The following FLAD1 variants were observed in gnomAD, a reference collection of about 807,000 sequenced individuals.
The protein encoded by FLAD1 is flavin adenine dinucleotide synthetase 1.
Under a neutral mutation model 55.0 loss-of-function variants are expected in FLAD1, and 35 were observed. That is an observed-to-expected ratio of 0.64 (90% CI 0.49 to 0.84). The LOEUF (loss-of-function observed/expected upper bound fraction) is 0.84. Among genes scored for constraint, FLAD1 ranks in the 40% least tolerant of loss-of-function variants. FLAD1 has a pLI of 0.00. For synonymous variants in FLAD1, 267 were observed against 303.0 expected (o/e 0.88, Z 1.23); for missense variants, 665 against 742.6 (o/e 0.90, Z 1.21).
At chr1:154,989,813 G>A (rs541501421) in intron 3 of FLAD1, 106 bp downstream of exon 3, 1 of 1,259,772 alleles carries the variant, frequency 7.9e-7, no homozygotes, top group Admixed American at 2.4e-5. Flanking sequence ...GAGGGAGATA[G>A]TCATGGTGAC....
chr1:154,988,920 G>A, intron 2 of FLAD1, 71 bp downstream of exon 2: 2 of 1,593,058 alleles, frequency 1.3e-6, no homozygotes, highest in Non-Finnish European at 1.7e-6. Flanking sequence ...AGTAATGCAG[G>A]GGCTGTTGGG....
chr1:154,991,199 T>A (rs1391609343), intron 5 of FLAD1: 1 of 89,466 alleles, frequency 1.1e-5, no homozygotes, highest in East Asian at 3.5e-4. Context: ...AGAACAAGAC[T>A]CTGTCTCAAA....
rs368689507 is a variant in FLAD1 at position 154,984,002 on chromosome 1, C to T, written c.308C>T (p.Ser103Phe). ...GGCAGGACCATGACATCTAGGGCCT[C>T]TGAACTTTCTCCGGGGCGCAGCGTG... ...REGRTMTSRA[S>F]ELSPGRSVTA... The change falls in exon 1 of 7, where the codon TCT (serine) becomes TTT (phenylalanine). Residue 103 changes from serine (S) to phenylalanine (F), a missense_variant. Physicochemically the swap from Ser to Phe is radical, Grantham distance 155. Transcript: ENST00000292180. The T allele has an allele frequency of 2.0e-6, 3 of 1,519,676 alleles. No homozygotes were observed. The highest frequency in any genetic ancestry group is 4.5e-5 in the Admixed American group (2 of 44,346). The allele number at this position is 1,519,676 out of a possible 1,614,324, so 94.1% of individuals were successfully genotyped here.
In FLAD1 at chr1:154,990,167, C is replaced by G. The variant is rs755733167; in HGVS notation, c.1274C>G (p.Pro425Arg). The G allele has an allele frequency of 8.1e-6, 13 of 1,613,702 alleles. No individual in the cohort carries two copies. The highest frequency in any genetic ancestry group is 1.0e-5 in the Non-Finnish European group (12 of 1,179,646). ...TTCTTCCCCCTCTGCAGGAAATTACCTGATGTTCCAAACCCCCTCCAGATC... is the reference window on the plus strand; with the variant it reads ...TTCTTCCCCCTCTGCAGGAAATTACGTGATGTTCCAAACCCCCTCCAGATC... ...LFHAAVQRKLPDVPNPLQILY... is the reference protein window; with the variant it reads ...LFHAAVQRKLRDVPNPLQILY... Residue 425 changes from proline to arginine, a missense_variant, in exon 4 of 7, where the codon CCT (proline) becomes CGT (arginine). Transcript: ENST00000292180.
In FLAD1 at chr1:154,993,090, A is replaced by G; in HGVS notation, c.*53A>G. 2 of 1,552,534 alleles carry G rather than the reference A, an allele frequency of 1.3e-6. No individual in the cohort carries two copies. The highest frequency in any genetic ancestry group is 1.4e-5 in the African/African-American group (1 of 73,668). On this transcript the variant is annotated 3_prime_UTR_variant, in exon 7 of 7. Coordinates refer to ENST00000292180, the MANE Select transcript of FLAD1 (RefSeq NM_025207.5). ...CACCGTCCTAGGGTATAACCTGGCA[A>G]TAAACCGTGCCTCTCACTGTGCCTG...
chr1:154,985,716 ATTTTTTTTTTT>A (rs34387427), intron 1 of FLAD1, among the ~76,000 whole-genome samples: 1 of 75,490 alleles, frequency 1.3e-5, no homozygotes, highest in Admixed American at 1.5e-4. Context: ...CCTGACCCCA[ATTTTTTTTTTT>A]TTTTTTTTTT....
chr1:154,988,584 A>C lies in FLAD1; in HGVS notation c.852A>C (p.Leu284=), dbSNP rs756644101. ...CTGTTCAGTTCCACTCAAAGGAGCT[A>C]TATGTGGCTGCTGATGAAGCCTCCA... is the stretch of plus-strand genomic sequence containing the variant. ...NPAVQFHSKE[L]YVAADEASIA... The change falls in exon 2 of 7, where the codon CTA becomes CTC. Residue 284 remains leucine (L), a synonymous_variant. Transcript: ENST00000292180. 1 of 1,614,230 alleles carries C rather than the reference A, an allele frequency of 6.2e-7. No individual in the cohort carries two copies. The highest frequency in any genetic ancestry group is 1.1e-5 in the South Asian group (1 of 91,088).
chr1:154,985,237 T>G (rs1171814803), intron 1 of FLAD1, among the ~76,000 whole-genome samples: 2 of 141,642 alleles, frequency 1.4e-5, no homozygotes, highest in African/African-American at 3.0e-5. Flanking sequence ...TTGTTTTTTT[T>G]GTTTTTTTTT....
intron 6 of FLAD1, 50 bp from the exon 7 acceptor site, chr1:154,992,852 T>C: frequency 1.9e-6 from 3 of 1,613,778 alleles, no homozygotes; most frequent in Non-Finnish European, 2.5e-6. Context: ...GGAGGGCCAA[T>C]AGGATCGCCC....
chr1:154,988,213 G>C lies in FLAD1; in HGVS notation c.481G>C (p.Ala161Pro), dbSNP rs368257835. ...VVPDEVATIA[A>P]EVTSFSNRFT... ...ACCTGATGAGGTAGCCACCATTGCA[G>C]CTGAGGTCACTTCTTTCTCCAACCG... Residue 161 changes from alanine to proline, a missense_variant, in exon 2 of 7, where the codon GCT becomes CCT. By Grantham distance (27) the Ala-to-Pro change is conservative (BLOSUM62 -1). Coordinates refer to ENST00000292180, the MANE Select transcript of FLAD1 (RefSeq NM_025207.5). 1.2e-6 allele frequency: 2 copies of C among 1,614,104 alleles called. No homozygotes were observed. The highest frequency in any genetic ancestry group is 2.7e-5 in the African/African-American group (2 of 74,932).
chr1:154,992,804 A>C lies in FLAD1; in HGVS notation c.1628+18A>C. 6.2e-7 allele frequency: 1 copy of C among 1,614,176 alleles called. No individual in the cohort carries two copies. Among genetic ancestry groups the C allele is most frequent in the Non-Finnish European group, 8.5e-7 (1 of 1,180,014 alleles). On this transcript the variant is annotated intron_variant, in intron 6 of 6. Coordinates refer to ENST00000292180, the MANE Select transcript of FLAD1 (RefSeq NM_025207.5). The stretch of plus-strand genomic sequence containing the variant: ...GACCGAGGGTAAGGGTATTAGGGGA[A>C]GGGAATGGGTAAGGGAGTTTTTAGG...
intron 1 of FLAD1, among the ~76,000 whole-genome samples, chr1:154,986,924 G>A (rs770330434): frequency 4.4e-4 from 67 of 151,912 alleles, no homozygotes; most frequent in Non-Finnish European, 8.2e-4. Context: ...TGATGAAACT[G>A]GGGGTCAGAG....
chr1:154,985,061 T>C lies in FLAD1; in HGVS notation c.372+995T>C, dbSNP rs1371177090. 6.5e-5 allele frequency among the ~76,000 whole-genome samples: 9 copies of C among 139,524 alleles called. No homozygotes were observed. In the East Asian group the frequency reaches 1.6e-3, roughly 25 times the overall value. The allele number at this position is 139,524 out of a possible 152,430, so 91.5% of individuals were successfully genotyped here. On this transcript the variant is annotated intron_variant, in intron 1 of 6. Coordinates refer to ENST00000292180, the MANE Select transcript of FLAD1 (RefSeq NM_025207.5). The stretch of plus-strand genomic sequence containing the variant: ...TTTTTTTTTTTTTTTTTTTTTTTTT[T>C]TTTCAGAAACGGTCTCACTATGTTG...
intron 5 of FLAD1, chr1:154,992,461 T>G: frequency 1.8e-5 from 18 of 1,023,222 alleles, no homozygotes; most frequent in East Asian, 2.6e-5. Context: ...AATAGACGGT[T>G]TCTCCCTGTC....
rs139255409 is a variant in FLAD1 at position 154,992,772 on chromosome 1, C to T, written c.1614C>T (p.Ile538=). ...FLRQLFVPYC[I]LYDRGYTSLG... is the part of the protein sequence containing the mutation. ...GTCAGCTGTTTGTCCCATACTGTATCCTGTATGACCGAGGGTAAGGGTATT... is the reference window on the plus strand; with the variant it reads ...GTCAGCTGTTTGTCCCATACTGTATTCTGTATGACCGAGGGTAAGGGTATT... Residue 538 remains isoleucine, a synonymous_variant, in exon 6 of 7, where the codon ATC becomes ATT. Coordinates refer to ENST00000292180, the MANE Select transcript of FLAD1 (RefSeq NM_025207.5). 12 of 1,613,974 alleles carry T rather than the reference C, an allele frequency of 7.4e-6. No individual in the cohort carries two copies. The African/African-American group carries it at 1.6e-4, about 22-fold the overall frequency.
chr1:154,986,307 C>T (rs1445324150), intron 1 of FLAD1, among the ~76,000 whole-genome samples: 1 of 152,062 alleles, frequency 6.6e-6, no homozygotes, highest in Non-Finnish European at 1.5e-5. Flanking sequence ...AGCTCCGCCT[C>T]CCGGGTTCAC....
intron 1 of FLAD1, 67 bp from the exon 2 acceptor site, chr1:154,988,038 A>G: frequency 6.2e-7 from 1 of 1,612,038 alleles, no homozygotes; most frequent in Non-Finnish European, 8.5e-7. Context: ...GGATGCAGCC[A>G]TCATCTTCAA....
At chr1:154,987,887 G>A (rs747068762) in intron 1 of FLAD1, 2 of 1,393,098 alleles carry the variant, frequency 1.4e-6, no homozygotes, top group African/African-American at 1.5e-5. Flanking sequence ...AACTGTGACT[G>A]AGCCACTATA....
chr1:154,992,573 A>G (rs1657927844), intron 5 of FLAD1, 140 bp from the exon 6 acceptor site: 5 of 1,613,880 alleles, frequency 3.1e-6, no homozygotes, highest in Non-Finnish European at 4.2e-6. Flanking sequence ...AGAGCAAGCT[A>G]TACCAGAGAA....
Sources: allele counts gnomAD v4.1 joint callset (sites outside exome capture counted in the v4.1 genomes callset), GRCh38; gene constraint gnomAD v4.1.1; transcripts MANE v1.5; gene names NCBI Gene and HGNC (gene_info 2026-07-23, HGNC 2026-07-21).